Variants in KDM5A observed in about 807,000 individuals in gnomAD.
The protein encoded by KDM5A is lysine demethylase 5A, also known as lysine-specific demethylase 5A.
In KDM5A, 42 loss-of-function variants were observed where a neutral mutation model predicts 193.5. The ratio of observed to expected loss-of-function variants is 0.22; its 90% CI spans 0.17 to 0.28. The LOEUF (loss-of-function observed/expected upper bound fraction) is 0.28, where lower values mean the gene tolerates loss of function less well. Among genes scored for constraint, KDM5A ranks in the 10% least tolerant of loss-of-function variants. The probability of loss-of-function intolerance (pLI) is 1.00; values close to 1 mark genes in which losing one functional copy is unlikely to be tolerated. For synonymous variants in KDM5A, 796 were observed against 718.1 expected, an observed-to-expected ratio of 1.11 and a Z score of -1.73; for missense variants, 1,692 against 2,055.1, an observed-to-expected ratio of 0.82 and a Z score of 3.42.
At chr12:351,307 G>A (rs1008450754) in intron 9 of KDM5A, among the ~76,000 whole-genome samples, 1 of 152,054 alleles carries the variant, frequency 6.6e-6, no homozygotes, top group Non-Finnish European at 1.5e-5. Context: ...AGAACGTGGG[G>A]TGTTTAGTTT....
Position 323,210 on chromosome 12 carries a change from C to CAAAAAAAGAAAAAAAAAAAAAAAA in KDM5A, c.2151-5_2151-4insTTTTTTTTTTTTTTTTCTTTTTTT. 1 of 294,574 alleles carries CAAAAAAAGAAAAAAAAAAAAAAAA rather than the reference C, an allele frequency of 3.4e-6. No homozygotes were observed. The highest frequency in any genetic ancestry group is 3.8e-5 in the South Asian group (1 of 26,462). 18.2% of individuals were successfully genotyped at this position (294,574 alleles called of 1,614,324 possible). ...GTCTTCTAATGGGTAGCGATATCTA[C>CAAAAAAAGAAAAAAAAAAAAAAAA]AAAAAAAAAAAAAAAAAAAAAAAAA... On this transcript the variant is annotated splice_polypyrimidine_tract_variant and splice_region_variant and intron_variant, in intron 15 of 27. Transcript: ENST00000399788.
Position 363,065 on chromosome 12 carries a change from T to C in KDM5A, c.570A>G (p.Glu190=). The change falls in exon 5 of 28, where the codon GAA becomes GAG. Residue 190 remains glutamate, a synonymous_variant. Transcript: ENST00000399788. The part of the protein sequence containing the change: ...GVQMPNLDLK[E]KVEPEVLSTD... ...TGCTGAGAACCTCAGGCTCCACTTT[T>C]TCTTTAAGATCTAAATTAGGCATCT... The C allele has an allele frequency of 6.2e-7, 1 of 1,614,094 alleles. No individual in the cohort carries two copies. Among genetic ancestry groups the C allele is most frequent in the Non-Finnish European group, 8.5e-7 (1 of 1,179,940 alleles).
At chr12:337,646 CTT>C (rs61446610) in intron 10 of KDM5A, among the ~76,000 whole-genome samples, 22 of 140,590 alleles carry the variant, frequency 1.6e-4, no homozygotes, top group South Asian at 2.3e-4. Context: ...TATTTCTAAA[CTT>C]TTTTTTTTTT....
intron 7 of KDM5A, among the ~76,000 whole-genome samples, chr12:354,610 AC>A (rs1476344111): frequency 1.3e-5 from 2 of 152,128 alleles, no homozygotes; most frequent in African/African-American, 4.8e-5. Context: ...TACTAAAAAT[AC>A]AAAAAATTAG....
At chr12:311,971 T>C (rs1345858375) in intron 20 of KDM5A, among the ~76,000 whole-genome samples, 1 of 152,024 alleles carries the variant, frequency 6.6e-6, no homozygotes. Context: ...GAGGCAGAGG[T>C]TGCAGTGAGC....
chr12:321,734 T>C (rs918236340), intron 17 of KDM5A, among the ~76,000 whole-genome samples: 9 of 152,260 alleles, frequency 5.9e-5, no homozygotes, highest in African/African-American at 1.9e-4. Context: ...TTAATACTTA[T>C]GAATTCTATT....
intron 3 of KDM5A, among the ~76,000 whole-genome samples, chr12:376,264 C>G (rs1944502654): frequency 6.6e-6 from 1 of 152,234 alleles, no homozygotes; most frequent in Non-Finnish European, 1.5e-5. Flanking sequence ...TTTACCTACT[C>G]AAGCCTCAGC....
At chr12:371,604 G>C (rs1944428863) in intron 3 of KDM5A, among the ~76,000 whole-genome samples, 1 of 152,138 alleles carries the variant, frequency 6.6e-6, no homozygotes, top group East Asian at 1.9e-4. Flanking sequence ...AAGTTCTTTA[G>C]TTTAATTAGA....
intron 5 of KDM5A, 132 bp from the exon 6 acceptor site, chr12:356,669 C>T (rs1197220059): frequency 4.4e-6 from 3 of 679,056 alleles, no homozygotes; most frequent in Admixed American, 2.2e-5. Context: ...TGTAAATCCA[C>T]TCACTGCCTC....
At chr12:319,357 G>A (rs1400114683) in intron 18 of KDM5A, among the ~76,000 whole-genome samples, 4 of 152,166 alleles carry the variant, frequency 2.6e-5, no homozygotes, top group Non-Finnish European at 5.9e-5. Context: ...GACAATAAAC[G>A]GTTTGCTTTG....
rs774454051 is a variant in KDM5A at position 385,887 on chromosome 12, A to G, written c.243+10T>C. The G allele has an allele frequency of 5.0e-6, 8 of 1,610,376 alleles. No homozygotes were observed. The highest frequency in any genetic ancestry group is 1.7e-5 in the Admixed American group (1 of 60,016). On this transcript the variant is annotated intron_variant, in intron 2 of 27. Coordinates refer to ENST00000399788, the MANE Select transcript of KDM5A (RefSeq NM_001042603.3). Reference sequence around the variant, plus strand: ...GAATCAGGAAGCAGAAATAGTGACAAAACACTTACCTCAAGTTCATTCAGG... The same window carrying G: ...GAATCAGGAAGCAGAAATAGTGACAGAACACTTACCTCAAGTTCATTCAGG...
intron 14 of KDM5A, among the ~76,000 whole-genome samples, chr12:324,658 A>C (rs752836732): frequency 6.6e-6 from 1 of 152,150 alleles, no homozygotes. Flanking sequence ...AGATCACCTG[A>C]GATCAGGAGT....
chr12:382,840 G>C (rs952442278), intron 3 of KDM5A, among the ~76,000 whole-genome samples: 4 of 151,780 alleles, frequency 2.6e-5, no homozygotes, highest in African/African-American at 9.7e-5. Flanking sequence ...GCTGAGGAAG[G>C]AGAATTGCTT....
chr12:375,414 T>C (rs573455634), intron 3 of KDM5A, among the ~76,000 whole-genome samples: 162 of 152,340 alleles, frequency 1.1e-3, no homozygotes, highest in African/African-American at 3.8e-3. Flanking sequence ...GTGCCATGGT[T>C]TTCAGCTCCA....
At chr12:322,360 T>G in intron 17 of KDM5A, 57 bp downstream of exon 17, 1 of 1,582,006 alleles carries the variant, frequency 6.3e-7, no homozygotes, top group Non-Finnish European at 8.6e-7. Context: ...AAAATTTTGG[T>G]TTTTACTCTG....
intron 17 of KDM5A, 30 bp downstream of exon 17, chr12:322,387 A>T: frequency 6.2e-7 from 1 of 1,604,652 alleles, no homozygotes. Flanking sequence ...ACAGGAAAAC[A>T]CTGGAGAATT....
At chr12:316,880 C>A (rs1013183372) in intron 19 of KDM5A, among the ~76,000 whole-genome samples, 2 of 152,244 alleles carry the variant, frequency 1.3e-5, no homozygotes, top group East Asian at 3.9e-4. Flanking sequence ...AAGTGGCTGG[C>A]AAAGTAGTTA....
chr12:314,149 T>C (rs921154862), intron 19 of KDM5A, among the ~76,000 whole-genome samples: 1 of 152,174 alleles, frequency 6.6e-6, no homozygotes, highest in Non-Finnish European at 1.5e-5. Flanking sequence ...GGCACTGTTC[T>C]AGGTCCTGGA....
intron 9 of KDM5A, among the ~76,000 whole-genome samples, chr12:351,782 G>A (rs111580795): frequency 3.3e-5 from 5 of 152,038 alleles, no homozygotes; most frequent in African/African-American, 9.6e-5. Flanking sequence ...CAGCCTGGGC[G>A]ACAGAGTGAA....
Sources: gnomAD v4.1 joint callset for allele counts (sites outside exome capture counted in the v4.1 genomes callset) on GRCh38, gnomAD v4.1.1 for gene constraint, MANE v1.5 for transcripts, NCBI Gene and HGNC (gene_info 2026-07-23, HGNC 2026-07-21) for gene names.